PDCD2L: variants seen among roughly 807,000 people sequenced by gnomAD.
PDCD2L encodes the protein uS5 assembly chaperone PDCD2L.
A neutral mutation model predicts 40.4 loss-of-function variants in PDCD2L; 44 were observed. The ratio of observed to expected loss-of-function variants is 1.09; its 90% CI spans 0.86 to 1.40. PDCD2L has a LOEUF of 1.40. Ranked by LOEUF, PDCD2L falls within the 40% of genes most tolerant of loss-of-function variation. PDCD2L has a pLI of 0.00. For missense variants in PDCD2L, 470 were observed against 453.7 expected (o/e 1.04, Z -0.33); for synonymous variants, 194 against 174.6 (o/e 1.11, Z -0.88).
Position 34,409,174 on chromosome 19 carries a change from G to T in PDCD2L, c.350G>T (p.Ser117Ile). The T allele has an allele frequency of 6.2e-7, 1 of 1,610,308 alleles. No homozygotes were observed. Among genetic ancestry groups the T allele is most frequent in the Non-Finnish European group, 8.5e-7 (1 of 1,176,738 alleles). ...GTATTTTTCCAGAAACAGGGAAACAGCCTTGCAGCTGAGGACTGGTGTGAA... is the reference window on the plus strand; with the variant it reads ...GTATTTTTCCAGAAACAGGGAAACATCCTTGCAGCTGAGGACTGGTGTGAA... ...EAQDAQKQGN[S>I]LAAEDWCEGA... Residue 117 changes from serine (S) to isoleucine (I), a missense_variant, in exon 4 of 7, where the codon AGC becomes ATC. Physicochemically the swap from Ser to Ile is moderately radical, Grantham distance 142. Transcript: ENST00000246535.
At chr19:34,410,042 A>G (rs2075094943) in intron 4 of PDCD2L, among the ~76,000 whole-genome samples, 1 of 152,174 alleles carries the variant, frequency 6.6e-6, no homozygotes, top group Non-Finnish European at 1.5e-5. Flanking sequence ...GCGAGAGGGT[A>G]GATCTTGAAA....
intron 6 of PDCD2L, among the ~76,000 whole-genome samples, chr19:34,422,887 T>G (rs553971406): frequency 6.6e-6 from 1 of 151,952 alleles, no homozygotes; most frequent in East Asian, 1.9e-4. Flanking sequence ...AGCTAATTTT[T>G]TTTTGTATTT....
At chr19:34,414,218 C>G (rs2075117121) in intron 5 of PDCD2L, among the ~76,000 whole-genome samples, 2 of 151,638 alleles carry the variant, frequency 1.3e-5, no homozygotes, top group African/African-American at 4.8e-5. Flanking sequence ...CTCTGTCGCC[C>G]AGGCTGGAGT....
In PDCD2L at chr19:34,404,453, T is replaced by G; in HGVS notation, c.23T>G (p.Val8Gly). ...GCCATGGCGGCCGTTCTGAAGCCGG[T>G]GCTGCTGGGCCTTCGAGATGCGCCG... MAAVLKP[V>G]LLGLRDAPVH... The change falls in exon 1 of 7, where the codon GTG (valine) becomes GGG (glycine). Residue 8 changes from valine (V) to glycine (G), a missense_variant. Coordinates refer to ENST00000246535, the MANE Select transcript of PDCD2L (RefSeq NM_032346.2). 6.5e-7 allele frequency: 1 copy of G among 1,544,842 alleles called. No individual in the cohort carries two copies. Among genetic ancestry groups the G allele is most frequent in the Non-Finnish European group, 8.7e-7 (1 of 1,145,946 alleles).
At chr19:34,405,621 CTGGGCGCGG>C (rs2075070974) in intron 3 of PDCD2L, among the ~76,000 whole-genome samples, 1 of 151,310 alleles carries the variant, frequency 6.6e-6, no homozygotes, top group Non-Finnish European at 1.5e-5. Flanking sequence ...GGAGACCAGG[CTGGGCGCGG>C]TGGCTTACGC....
chr19:34,407,848 GT>G (rs1306081984), intron 3 of PDCD2L, among the ~76,000 whole-genome samples: 1 of 152,208 alleles, frequency 6.6e-6, no homozygotes, highest in Admixed American at 6.5e-5. Flanking sequence ...AGGCAGGCAA[GT>G]TGGTAGCTGC....
Position 34,409,422 on chromosome 19 carries a change from GA to G in PDCD2L, c.599del (p.Asp200AlafsTer12), listed in dbSNP as rs2075092299. 6 of 1,614,202 alleles carry G rather than the reference GA, an allele frequency of 3.7e-6. No individual in the cohort carries two copies. The South Asian group carries it at 6.6e-5, about 18-fold the overall frequency. On this transcript the variant is annotated frameshift_variant, in exon 4 of 7. Transcript: ENST00000246535. LOFTEE classifies it high-confidence loss of function. ...ICVADEDDYR[D>X]FVNLDHAHSL... The stretch of plus-strand genomic sequence containing the variant: ...TGTTGCAGATGAGGATGATTACAGG[GA>G]CTTTGTCAACCTGGATCATGCCCAC...
chr19:34,419,968 A>G (rs2075142825), intron 5 of PDCD2L, among the ~76,000 whole-genome samples: 1 of 150,960 alleles, frequency 6.6e-6, no homozygotes, highest in African/African-American at 2.4e-5. Context: ...TTATTACACT[A>G]TGTCTGGCTA....
Position 34,421,661 on chromosome 19 carries a change from A to T in PDCD2L, c.940A>T (p.Asn314Tyr). 6.2e-7 allele frequency: 1 copy of T among 1,607,440 alleles called. No individual in the cohort carries two copies. The highest frequency in any genetic ancestry group is 8.5e-7 in the Non-Finnish European group (1 of 1,176,890). The change falls in exon 6 of 7, where the codon AAT becomes TAT. Residue 314 changes from asparagine to tyrosine, a missense_variant. Transcript: ENST00000246535. ...PALVSMLKSA[N>Y]LGLSVEFGTI... Reference sequence around the variant, plus strand: ...ACTGGTCAGCATGCTCAAGAGTGCTAATTTAGGTGAGAAGCCCTTTATTAA... The same window carrying T: ...ACTGGTCAGCATGCTCAAGAGTGCTTATTTAGGTGAGAAGCCCTTTATTAA...
chr19:34,424,934 C>A (rs576786436), intron 6 of PDCD2L, among the ~76,000 whole-genome samples: 1 of 151,810 alleles, frequency 6.6e-6, no homozygotes, highest in African/African-American at 2.4e-5. Flanking sequence ...TTAGTAGAGA[C>A]GGGGTTTCAC....
rs185537002 is a variant in PDCD2L, at chr19:34,405,008, C to T, written c.336+18C>T. On this transcript the variant is annotated intron_variant, in intron 3 of 6. Transcript: ENST00000246535. ...ACGCTCAGGTAAAGGTTGTGATTGG[C>T]ATGTTATTGTTTTTCTGTCATTTGA... 12,126 of 1,613,386 alleles carry T rather than the reference C, an allele frequency of 7.5e-3. 91 individuals are homozygous for T. The highest frequency in any genetic ancestry group is 8.9e-3 in the South Asian group (811 of 91,040).
intron 3 of PDCD2L, among the ~76,000 whole-genome samples, chr19:34,406,944 TG>T (rs2075079410): frequency 6.8e-6 from 1 of 148,018 alleles, no homozygotes. Flanking sequence ...GCGCTTATCC[TG>T]CCTGCCTCAG....
At chr19:34,411,378 C>T (rs1364165724) in intron 4 of PDCD2L, among the ~76,000 whole-genome samples, 1 of 149,994 alleles carries the variant, frequency 6.7e-6, no homozygotes, top group Non-Finnish European at 1.5e-5. Context: ...TAGCTGGGAC[C>T]ATAGGCGTGC....
chr19:34,413,123 C>G (rs1488118559), intron 4 of PDCD2L, among the ~76,000 whole-genome samples: 1 of 151,700 alleles, frequency 6.6e-6, no homozygotes, highest in Non-Finnish European at 1.5e-5. Context: ...ACTGCAACCT[C>G]CATCTCCTGG....
chr19:34,419,923 C>G (rs2075142539), intron 5 of PDCD2L, among the ~76,000 whole-genome samples: 1 of 151,654 alleles, frequency 6.6e-6, no homozygotes, highest in South Asian at 2.1e-4. Context: ...GCTGGGACCA[C>G]AGGCGTGCAC....
rs138456866 is a variant in PDCD2L at position 34,412,530 on chromosome 19, C to T, written c.687-1207C>T. Among the ~76,000 whole-genome samples, 545 of 151,898 alleles carry T rather than the reference C, an allele frequency of 3.6e-3. 3 individuals carry two copies. Among genetic ancestry groups the T allele is most frequent in the African/African-American group, 0.012 (517 of 41,460 alleles). Reference sequence around the variant, plus strand: ...GTCAGGAGTTGGAGACCAGCCTGGCCGACGTGGTGAAACCTTGTCTTTACT... The same window carrying T: ...GTCAGGAGTTGGAGACCAGCCTGGCTGACGTGGTGAAACCTTGTCTTTACT... On this transcript the variant is annotated intron_variant, in intron 4 of 6. Coordinates refer to ENST00000246535, the MANE Select transcript of PDCD2L (RefSeq NM_032346.2).
intron 5 of PDCD2L, among the ~76,000 whole-genome samples, chr19:34,417,744 C>G (rs1249887428): frequency 6.6e-6 from 1 of 152,084 alleles, no homozygotes; most frequent in Non-Finnish European, 1.5e-5. Context: ...AAGATGGTAT[C>G]TTTGAAGGGT....
chr19:34,415,652 A>T (rs1021720135), intron 5 of PDCD2L, among the ~76,000 whole-genome samples: 7 of 152,218 alleles, frequency 4.6e-5, no homozygotes, highest in African/African-American at 7.2e-5. Flanking sequence ...CAGGCCAAAT[A>T]AAATAAATAT....
chr19:34,409,625 A>G (rs1299536240), intron 4 of PDCD2L, 115 bp downstream of exon 4: 22 of 875,204 alleles, frequency 2.5e-5, no homozygotes, highest in Non-Finnish European at 3.3e-5. Flanking sequence ...ACTTGTATGT[A>G]GGACCTTTTT....
Sources: allele counts gnomAD v4.1 joint callset (sites outside exome capture counted in the v4.1 genomes callset), GRCh38; gene constraint gnomAD v4.1.1; transcripts MANE v1.5; gene names NCBI Gene and HGNC (gene_info 2026-07-23, HGNC 2026-07-21).